The following LINGO2 variants were observed in gnomAD, a reference collection of about 807,000 sequenced individuals.
LINGO2 encodes the protein leucine rich repeat and Ig domain containing 2.
A neutral mutation model predicts 30.6 loss-of-function variants in LINGO2; 14 were observed. That is an observed-to-expected ratio of 0.46 (90% CI 0.30 to 0.72). The LOEUF is 0.72. LINGO2 is among the 30% of genes least tolerant of loss of function. The pLI is 0.07. For missense variants in LINGO2, 729 were observed against 751.7 expected, an observed-to-expected ratio of 0.97 and a Z score of 0.35; for synonymous variants, 317 against 288.5, an observed-to-expected ratio of 1.10 and a Z score of -1.00.
intron 4 of LINGO2, among the ~76,000 whole-genome samples, chr9:28,142,851 T>A (rs1827711753): frequency 6.6e-6 from 1 of 152,210 alleles, no homozygotes; most frequent in Non-Finnish European, 1.5e-5. Context: ...TTTGCCTGTT[T>A]ATGATCATTT....
intron 4 of LINGO2, among the ~76,000 whole-genome samples, chr9:28,230,421 G>A (rs561864186): frequency 6.6e-6 from 1 of 151,742 alleles, no homozygotes; most frequent in Non-Finnish European, 1.5e-5. Context: ...TTGTTTTTGA[G>A]GTCTAATACC....
At chr9:28,937,086 A>AAT in the LINGO2 span, among the ~76,000 whole-genome samples, 161 of 152,244 alleles carry the variant, frequency 1.1e-3, no homozygotes, top group African/African-American at 3.8e-3. Context: ...ACTGTCTCTA[A>AAT]ATAAAGTCAC....
chr9:28,402,898 T>C (rs1045163372), intron 2 of LINGO2, among the ~76,000 whole-genome samples: 1 of 152,108 alleles, frequency 6.6e-6, no homozygotes, highest in Non-Finnish European at 1.5e-5. Flanking sequence ...GAATGTGCAG[T>C]AGAAAAAGCA....
At chr9:28,300,058 T>C (rs1440600383) in intron 3 of LINGO2, among the ~76,000 whole-genome samples, 3 of 150,592 alleles carry the variant, frequency 2.0e-5, no homozygotes, top group Admixed American at 6.6e-5. Flanking sequence ...GATTTTGAGA[T>C]ACACAGTTTT....
intron 4 of LINGO2, among the ~76,000 whole-genome samples, chr9:28,135,178 C>G (rs1005511953): frequency 1.3e-5 from 2 of 152,036 alleles, no homozygotes; most frequent in African/African-American, 4.8e-5. Flanking sequence ...CATATAAAAT[C>G]GTAACCAAAT....
At chr9:29,039,256 A>G in the LINGO2 span, among the ~76,000 whole-genome samples, 1 of 152,316 alleles carries the variant, frequency 6.6e-6, no homozygotes, top group East Asian at 1.9e-4. Context: ...ATCTGAGTGT[A>G]GATTTAAATG....
the LINGO2 span, among the ~76,000 whole-genome samples, chr9:29,073,240 G>T: frequency 6.6e-6 from 1 of 151,864 alleles, no homozygotes; most frequent in East Asian, 1.9e-4. Flanking sequence ...TGTTTCATTT[G>T]CTAAGATAAA....
chr9:28,383,197 T>C (rs1418008099), intron 2 of LINGO2, among the ~76,000 whole-genome samples: 1 of 151,786 alleles, frequency 6.6e-6, no homozygotes, highest in Non-Finnish European at 1.5e-5. Context: ...CCACGTGGGT[T>C]GCTAGCAGCA....
chr9:28,687,905 C>T, the LINGO2 span, among the ~76,000 whole-genome samples: 9 of 152,000 alleles, frequency 5.9e-5, no homozygotes, highest in Non-Finnish European at 1.3e-4. Context: ...ACCCAAATCA[C>T]AATTGAAAAG....
chr9:28,923,690 A>G, the LINGO2 span, among the ~76,000 whole-genome samples: 18 of 152,180 alleles, frequency 1.2e-4, no homozygotes, highest in Non-Finnish European at 2.5e-4. Flanking sequence ...CTTAGGAACT[A>G]TCAACTAACA....
At chr9:28,346,373 C>A (rs1421073070) in intron 3 of LINGO2, among the ~76,000 whole-genome samples, 1 of 152,190 alleles carries the variant, frequency 6.6e-6, no homozygotes, top group Non-Finnish European at 1.5e-5. Context: ...AGGACATGAT[C>A]TCATTCTTTT....
the LINGO2 span, among the ~76,000 whole-genome samples, chr9:28,848,417 A>ATG: frequency 2.9e-4 from 37 of 126,624 alleles, no homozygotes; most frequent in South Asian, 6.7e-3. Flanking sequence ...ATATATATAT[A>ATG]TATATATATA....
At chr9:28,207,008 T>C (rs141111128) in intron 4 of LINGO2, among the ~76,000 whole-genome samples, 2,752 of 152,258 alleles carry the variant, frequency 0.018, 40 homozygotes, top group Non-Finnish European at 0.024. Flanking sequence ...GATAAATATT[T>C]CTCTTATTTA....
the LINGO2 span, among the ~76,000 whole-genome samples, chr9:29,044,728 A>G: frequency 0.16 from 24,447 of 152,024 alleles, 2,195 homozygotes; most frequent in South Asian, 0.21. Context: ...AATAAAATAT[A>G]GAAGTCCCTC....
At chr9:29,018,033 T>G in the LINGO2 span, among the ~76,000 whole-genome samples, 2 of 97,056 alleles carry the variant, frequency 2.1e-5, no homozygotes, top group African/African-American at 7.0e-5. Flanking sequence ...CATATATATA[T>G]ATAGAGAGAG....
the LINGO2 span, among the ~76,000 whole-genome samples, chr9:28,702,762 C>A: frequency 6.6e-6 from 1 of 151,796 alleles, no homozygotes; most frequent in Non-Finnish European, 1.5e-5. Flanking sequence ...ACCTGCCTTG[C>A]CTATTGCTTT....
chr9:28,237,412 T>C (rs1327547234), intron 4 of LINGO2, among the ~76,000 whole-genome samples: 1 of 151,058 alleles, frequency 6.6e-6, no homozygotes, highest in Non-Finnish European at 1.5e-5. Context: ...AGAAAAGAAA[T>C]AATAAAATGG....
the LINGO2 span, among the ~76,000 whole-genome samples, chr9:29,049,472 A>G: frequency 6.6e-6 from 1 of 152,190 alleles, no homozygotes; most frequent in Non-Finnish European, 1.5e-5. Flanking sequence ...AATAAAGGAA[A>G]TCAATATACC....
the LINGO2 span, among the ~76,000 whole-genome samples, chr9:28,851,383 T>C: frequency 6.6e-6 from 1 of 152,112 alleles, no homozygotes; most frequent in Admixed American, 6.6e-5. Context: ...GCTGCCTCTC[T>C]GGTTCTATCT....
Sources: allele counts gnomAD v4.1 joint callset (sites outside exome capture counted in the v4.1 genomes callset), GRCh38; gene constraint gnomAD v4.1.1; transcripts MANE v1.5; gene names NCBI Gene and HGNC (gene_info 2026-07-23, HGNC 2026-07-21).